Variants in ARFGEF2 observed in about 807,000 individuals in gnomAD.
ARFGEF2 encodes the protein ARF guanine nucleotide exchange factor 2.
A neutral mutation model predicts 219.9 loss-of-function variants in ARFGEF2; 74 were observed. That is an observed-to-expected ratio of 0.34 (90% confidence interval 0.28 to 0.41). The LOEUF (loss-of-function observed/expected upper bound fraction) is 0.41, where lower values mean the gene tolerates loss of function less well. Among genes scored for constraint, ARFGEF2 ranks in the 10% least tolerant of loss-of-function variants. The pLI is 1.00. For synonymous variants in ARFGEF2, 733 were observed against 799.2 expected (o/e 0.92, Z 1.40); for missense variants, 1,743 against 2,218.3 (o/e 0.79, Z 4.30).
At chr20:49,030,596 A>G (rs1391759134) in intron 37 of ARFGEF2, among the ~76,000 whole-genome samples, 1 of 152,194 alleles carries the variant, frequency 6.6e-6, no homozygotes, top group Non-Finnish European at 1.5e-5. Context: ...AATGAGAATA[A>G]CAAGTCATAA....
chr20:48,989,546 TC>T lies in ARFGEF2; in HGVS notation c.2686-8del. 1 of 1,614,222 alleles carries T rather than the reference TC, an allele frequency of 6.2e-7. No individual in the cohort carries two copies. Among genetic ancestry groups the T allele is most frequent in the East Asian group, 2.2e-5 (1 of 44,894 alleles). ...CTCTGGATGTTATTGAAATCTTCCT[TC>T]CATGATAGCTGGTGTGGACGCCACT... On this transcript the variant is annotated splice_polypyrimidine_tract_variant and intron_variant, in intron 19 of 38. Transcript: ENST00000371917.
At chr20:48,949,867 G>A (rs2091054119) in intron 3 of ARFGEF2, among the ~76,000 whole-genome samples, 1 of 152,142 alleles carries the variant, frequency 6.6e-6, no homozygotes, top group African/African-American at 2.4e-5. Flanking sequence ...GTCACTGGAG[G>A]CAGAGAATGC....
At chr20:48,960,627 G>A (rs1186591226) in intron 6 of ARFGEF2, among the ~76,000 whole-genome samples, 1 of 151,670 alleles carries the variant, frequency 6.6e-6, no homozygotes, top group Non-Finnish European at 1.5e-5. Context: ...GGGATTACAG[G>A]TGCCCGCTAC....
intron 26 of ARFGEF2, among the ~76,000 whole-genome samples, chr20:49,008,693 T>A (rs2091477966): frequency 6.6e-6 from 1 of 150,948 alleles, no homozygotes; most frequent in African/African-American, 2.4e-5. Context: ...TGAAATACCA[T>A]ATATCATGTA....
intron 38 of ARFGEF2, 50 bp downstream of exon 38, chr20:49,032,216 G>A (rs1182396684): frequency 1.4e-6 from 2 of 1,411,338 alleles, no homozygotes; most frequent in Non-Finnish European, 2.0e-6. Flanking sequence ...TAAAGTTTGG[G>A]TTGGCTTTTT....
intron 16 of ARFGEF2, among the ~76,000 whole-genome samples, chr20:48,986,399 C>T (rs1480271650): frequency 1.3e-5 from 2 of 151,986 alleles, no homozygotes; most frequent in African/African-American, 4.8e-5. Flanking sequence ...GAGGCCGGGA[C>T]GGGCAGATCA....
intron 23 of ARFGEF2, among the ~76,000 whole-genome samples, chr20:48,997,861 A>G (rs2091401614): frequency 6.6e-6 from 1 of 151,836 alleles, no homozygotes; most frequent in African/African-American, 2.4e-5. Flanking sequence ...TCTAATGTTT[A>G]TTTTTTGTTT....
At chr20:48,940,381 A>T (rs1280333959) in intron 1 of ARFGEF2, among the ~76,000 whole-genome samples, 1 of 152,230 alleles carries the variant, frequency 6.6e-6, no homozygotes, top group Non-Finnish European at 1.5e-5. Flanking sequence ...AAAAGTATGT[A>T]TGCTTATCAT....
rs138344341 is a variant in ARFGEF2 at position 48,996,210 on chromosome 20, C to T, written c.3221+328C>T. On this transcript the variant is annotated intron_variant, in intron 23 of 38. Coordinates refer to ENST00000371917, the MANE Select transcript of ARFGEF2 (RefSeq NM_006420.3). ...CATGCTCACGCCTGTAATCCCAGCA[C>T]TTTGGGAGGTCAAGGCAGGCAGATC... Among the ~76,000 whole-genome samples the T allele has an allele frequency of 1.9e-3, 285 of 152,014 alleles. 1 individual carries two copies. Among genetic ancestry groups the T allele is most frequent in the African/African-American group, 6.6e-3 (272 of 41,454 alleles).
intron 26 of ARFGEF2, among the ~76,000 whole-genome samples, chr20:49,009,879 A>G (rs6125522): frequency 0.25 from 37,456 of 152,172 alleles, 5,283 homozygotes; most frequent in East Asian, 0.47. Flanking sequence ...CCACAAGGCT[A>G]TTTATTGTTT....
At position 49,005,083 on chromosome 20, in the gene ARFGEF2, C is replaced by T. The variant is rs772329530; in HGVS notation, c.3446C>T (p.Pro1149Leu). Residue 1149 changes from proline (P) to leucine (L), a missense_variant, in exon 26 of 39, where the codon CCT becomes CTT. Pro to Leu is a moderately conservative substitution (Grantham distance 98). Coordinates refer to ENST00000371917, the MANE Select transcript of ARFGEF2 (RefSeq NM_006420.3). Reference protein sequence around the residue: ...GDHFNKVGCNPNEDVAIFAVD... With the variant: ...GDHFNKVGCNLNEDVAIFAVD... Reference sequence around the variant, plus strand: ...GTTCTTGTTCAGGTTGGCTGCAACCCTAATGAAGATGTGGCTATCTTTGCT... The same window carrying T: ...GTTCTTGTTCAGGTTGGCTGCAACCTTAATGAAGATGTGGCTATCTTTGCT... 1.2e-6 allele frequency: 2 copies of T among 1,614,144 alleles called. No individual in the cohort carries two copies. Among genetic ancestry groups the T allele is most frequent in the African/African-American group, 2.7e-5 (2 of 75,028 alleles).
intron 31 of ARFGEF2, 45 bp from the exon 32 acceptor site, chr20:49,017,204 A>G: frequency 6.2e-7 from 1 of 1,606,614 alleles, no homozygotes; most frequent in Non-Finnish European, 8.5e-7. Flanking sequence ...GTTGGCATCA[A>G]AATAGCAGTA....
intron 34 of ARFGEF2, among the ~76,000 whole-genome samples, chr20:49,022,342 G>A (rs541780157): frequency 2.0e-5 from 3 of 151,438 alleles, no homozygotes; most frequent in African/African-American, 4.9e-5. Flanking sequence ...CAGGCAGATC[G>A]CTTGATATTG....
Position 48,971,887 on chromosome 20 carries a change from C to T in ARFGEF2, c.1426-439C>T, listed in dbSNP as rs985749298. On this transcript the variant is annotated intron_variant, in intron 10 of 38. Coordinates refer to ENST00000371917, the MANE Select transcript of ARFGEF2 (RefSeq NM_006420.3). Reference sequence around the variant, plus strand: ...CTGCACTCCAGCCTGGGCAACAGGGCGAGACTCCATCTCAAAAAAAAAAAG... The same window carrying T: ...CTGCACTCCAGCCTGGGCAACAGGGTGAGACTCCATCTCAAAAAAAAAAAG... Among the ~76,000 whole-genome samples, 4 of 151,332 alleles carry T rather than the reference C, an allele frequency of 2.6e-5. No individual in the cohort carries two copies. The East Asian group carries it at 5.8e-4, about 22-fold the overall frequency.
chr20:48,937,386 T>C (rs929069272), intron 1 of ARFGEF2, among the ~76,000 whole-genome samples: 6 of 152,192 alleles, frequency 3.9e-5, no homozygotes, highest in African/African-American at 1.4e-4. Context: ...GGAGAAGACT[T>C]TTCAAGAGTG....
chr20:48,972,412 G>C lies in ARFGEF2; in HGVS notation c.1512G>C (p.Thr504=). 6.2e-7 allele frequency: 1 copy of C among 1,613,454 alleles called. No homozygotes were observed. Among genetic ancestry groups the C allele is most frequent in the Non-Finnish European group, 8.5e-7 (1 of 1,179,466 alleles). The change falls in exon 11 of 39, where the codon ACG becomes ACC. Residue 504 remains threonine, a synonymous_variant. Transcript: ENST00000371917. ...GGTGGATGGTCATTCAGACTCTGAC[G>C]AGGATCTGTGCAGGTATTTCCACCT... ...EHRWMVIQTL[T]RICADAQCVV...
At chr20:48,931,725 G>A (rs142993112) in intron 1 of ARFGEF2, among the ~76,000 whole-genome samples, 2 of 152,276 alleles carry the variant, frequency 1.3e-5, no homozygotes, top group African/African-American at 4.8e-5. Context: ...AGGCCCCGGG[G>A]CAGAAATGTG....
At chr20:49,019,377 T>C (rs926390809) in intron 34 of ARFGEF2, among the ~76,000 whole-genome samples, 6 of 152,240 alleles carry the variant, frequency 3.9e-5, no homozygotes, top group Admixed American at 3.9e-4. Context: ...TCAGTTAATA[T>C]ATTTTAGAGA....
At chr20:49,021,832 G>A (rs6019590) in intron 34 of ARFGEF2, among the ~76,000 whole-genome samples, 35,987 of 140,718 alleles carry the variant, frequency 0.26, 5,055 homozygotes, top group East Asian at 0.48. Context: ...GTGACACAGC[G>A]AGACTCTGTC....
Sources: allele counts gnomAD v4.1 joint callset (sites outside exome capture counted in the v4.1 genomes callset), GRCh38; gene constraint gnomAD v4.1.1; transcripts MANE v1.5; gene names NCBI Gene and HGNC (gene_info 2026-07-23, HGNC 2026-07-21).